KRAS: variants seen among roughly 807,000 people sequenced by gnomAD.
KRAS encodes KRas proto-oncogene, GTPase.
In KRAS, 1 loss-of-function variant was observed where a neutral mutation model predicts 21.0. The ratio of observed to expected loss-of-function variants is 0.05; its 90% CI spans 0.02 to 0.23. The LOEUF (loss-of-function observed/expected upper bound fraction) is 0.23. KRAS is among the 10% of genes least tolerant of loss of function. The pLI is 1.00. For synonymous variants in KRAS, 67 were observed against 72.5 expected (o/e 0.92, Z 0.39); for missense variants, 107 against 221.8 (o/e 0.48, Z 3.29).
intron 3 of KRAS, among the ~76,000 whole-genome samples, chr12:25,226,282 A>G (rs925493699): frequency 9.2e-5 from 14 of 152,234 alleles, no homozygotes; most frequent in African/African-American, 3.1e-4. Context: ...GCCCTTCTAC[A>G]TGTTAATCAT....
chr12:25,230,458 A>G (rs1469278149), intron 2 of KRAS, among the ~76,000 whole-genome samples: 1 of 152,116 alleles, frequency 6.6e-6, no homozygotes, highest in African/African-American at 2.4e-5. Context: ...GAGAAACCCC[A>G]TCTCTACTAA....
chr12:25,224,874 TAA>T (rs1357451472), intron 4 of KRAS, among the ~76,000 whole-genome samples: 1 of 152,168 alleles, frequency 6.6e-6, no homozygotes, highest in African/African-American at 2.4e-5. Flanking sequence ...TCCCTGTCAT[TAA>T]GAGACATATG....
chr12:25,250,262 C>G (rs1446922163), intron 1 of KRAS, among the ~76,000 whole-genome samples: 1 of 152,118 alleles, frequency 6.6e-6, no homozygotes, highest in African/African-American at 2.4e-5. Context: ...TACCTTCGTC[C>G]TAGAGATGCC....
chr12:25,212,144 G>A (rs1232693989), intron 4 of KRAS, among the ~76,000 whole-genome samples: 2 of 152,150 alleles, frequency 1.3e-5, no homozygotes, highest in East Asian at 3.9e-4. Flanking sequence ...CTTAGAATGT[G>A]ATAGAATCTT....
In KRAS at chr12:25,206,400, A is replaced by ACTT. The variant is rs1221297408; in HGVS notation, c.*3392_*3394dup. ...ATGTAATTTAGCTTTTTTTAAAAAA[A>ACTT]CTTCAACAAGGATTTTTGTCTTTAA... is the stretch of plus-strand genomic sequence containing the variant. On this transcript the variant is annotated 3_prime_UTR_variant, in exon 5 of 5. Transcript: ENST00000311936. The ACTT allele has an allele frequency of 4.9e-6, 1 of 203,154 alleles. No individual in the cohort carries two copies. Among genetic ancestry groups the ACTT allele is most frequent in the African/African-American group, 2.3e-5 (1 of 43,788 alleles). 12.6% of individuals were successfully genotyped at this position (203,154 alleles called of 1,614,324 possible).
intron 4 of KRAS, among the ~76,000 whole-genome samples, chr12:25,214,314 G>A (rs756007375): frequency 3.9e-5 from 6 of 152,084 alleles, no homozygotes; most frequent in South Asian, 4.1e-4. Context: ...AAAAGAGCTG[G>A]AGTGGTGGGA....
intron 2 of KRAS, among the ~76,000 whole-genome samples, chr12:25,229,606 C>G (rs986709804): frequency 6.7e-6 from 1 of 148,638 alleles, no homozygotes; most frequent in Non-Finnish European, 1.5e-5. Context: ...CAAGATTTCA[C>G]ACATTCTGCC....
At chr12:25,233,594 A>G (rs2135792093) in intron 2 of KRAS, among the ~76,000 whole-genome samples, 1 of 152,116 alleles carries the variant, frequency 6.6e-6, no homozygotes, top group South Asian at 2.1e-4. Context: ...AATGCAAAGC[A>G]CTCTTCCTTC....
intron 4 of KRAS, among the ~76,000 whole-genome samples, chr12:25,211,558 A>T (rs1453371080): frequency 6.6e-6 from 1 of 152,184 alleles, no homozygotes; most frequent in Non-Finnish European, 1.5e-5. Flanking sequence ...AGACTGGGTG[A>T]CAGAGCATGA....
intron 2 of KRAS, among the ~76,000 whole-genome samples, chr12:25,244,431 G>A (rs1951650317): frequency 6.6e-6 from 1 of 152,114 alleles, no homozygotes; most frequent in East Asian, 1.9e-4. Context: ...TGTAAAATAT[G>A]CTAATAAATA....
chr12:25,249,917 G>C (rs1161548789), intron 1 of KRAS, among the ~76,000 whole-genome samples: 1 of 152,158 alleles, frequency 6.6e-6, no homozygotes, highest in African/African-American at 2.4e-5. Flanking sequence ...GGTTTAACTT[G>C]ACCAAGCAAA....
At position 25,248,289 on chromosome 12, in the gene KRAS, CG is replaced by C. The variant is rs772189969; in HGVS notation, c.-12+2461del. Among the ~76,000 whole-genome samples the C allele has an allele frequency of 5.9e-5, 9 of 152,028 alleles. No individual in the cohort carries two copies. In the East Asian group the frequency reaches 1.8e-3, roughly 30 times the overall value. On this transcript the variant is annotated intron_variant, in intron 1 of 4. Coordinates refer to ENST00000311936, the MANE Select transcript of KRAS (RefSeq NM_004985.5). ...CAGCCTGGCCAACATGGTGAAATCC[CG>C]TATCTAAAAATACAATTAGCCCGGT... is the stretch of plus-strand genomic sequence containing the variant.
chr12:25,231,153 G>A (rs1951464165), intron 2 of KRAS, among the ~76,000 whole-genome samples: 1 of 145,886 alleles, frequency 6.9e-6, no homozygotes, highest in Admixed American at 6.9e-5. Context: ...CTAGGCTGGA[G>A]GGCAGTGACA....
At chr12:25,219,250 T>C (rs1043827842) in intron 4 of KRAS, among the ~76,000 whole-genome samples, 7 of 152,126 alleles carry the variant, frequency 4.6e-5, no homozygotes, top group South Asian at 2.1e-4. Context: ...TTTGTTTTTA[T>C]ACACATATAC....
At chr12:25,236,138 CAAG>C (rs1012083194) in intron 2 of KRAS, among the ~76,000 whole-genome samples, 2 of 151,854 alleles carry the variant, frequency 1.3e-5, no homozygotes, top group African/African-American at 4.8e-5. Flanking sequence ...GAATAAGCAC[CAAG>C]AAGTGAAACT....
chr12:25,250,561 C>G (rs1951754245), intron 1 of KRAS, among the ~76,000 whole-genome samples, 190 bp downstream of exon 1: 1 of 152,118 alleles, frequency 6.6e-6, no homozygotes, highest in African/African-American at 2.4e-5. Context: ...CCTCACTCCC[C>G]GCGCCGCCGC....
At chr12:25,212,207 T>G (rs1951206329) in intron 4 of KRAS, among the ~76,000 whole-genome samples, 1 of 152,156 alleles carries the variant, frequency 6.6e-6, no homozygotes, top group South Asian at 2.1e-4. Context: ...TCTGATCACA[T>G]CCTTATGTAA....
intron 4 of KRAS, among the ~76,000 whole-genome samples, chr12:25,219,508 G>GT (rs1200080863): frequency 6.6e-6 from 1 of 152,166 alleles, no homozygotes; most frequent in African/African-American, 2.4e-5. Context: ...TTTGTTTTAA[G>GT]TAAGTTTTTG....
intron 4 of KRAS, among the ~76,000 whole-genome samples, chr12:25,223,240 G>C (rs1951350365): frequency 1.3e-5 from 2 of 151,958 alleles, no homozygotes; most frequent in Non-Finnish European, 2.9e-5. Flanking sequence ...AAACAACAAT[G>C]GTAGAATCTA....
Sources: allele counts gnomAD v4.1 joint callset (sites outside exome capture counted in the v4.1 genomes callset), GRCh38; gene constraint gnomAD v4.1.1; transcripts MANE v1.5; gene names NCBI Gene and HGNC (gene_info 2026-07-23, HGNC 2026-07-21).